RAD54L2: variants seen among roughly 807,000 people sequenced by gnomAD.
RAD54L2 encodes helicase ARIP4.
A neutral mutation model predicts 138.4 loss-of-function variants in RAD54L2; 27 were observed. That is an observed-to-expected ratio of 0.20 (90% CI 0.14 to 0.27). The LOEUF is 0.27. Ranked by LOEUF, RAD54L2 falls within the 10% of genes least tolerant of loss-of-function variation. RAD54L2 has a pLI of 1.00. For synonymous variants in RAD54L2, 644 were observed against 723.2 expected, an observed-to-expected ratio of 0.89 and a Z score of 1.76; for missense variants, 1,396 against 1,890.2, an observed-to-expected ratio of 0.74 and a Z score of 4.85.
chr3:51,601,275 G>A (rs1367746171), intron 3 of RAD54L2, among the ~76,000 whole-genome samples: 2 of 150,152 alleles, frequency 1.3e-5, no homozygotes, highest in African/African-American at 2.4e-5. Context: ...GCCTCCCAAA[G>A]TGCTGAGATT....
chr3:51,554,730 A>G (rs1698923154), intron 2 of RAD54L2, among the ~76,000 whole-genome samples: 1 of 152,192 alleles, frequency 6.6e-6, no homozygotes, highest in African/African-American at 2.4e-5. Context: ...AGAGTCTAGT[A>G]CCTTTTAAAG....
intron 2 of RAD54L2, among the ~76,000 whole-genome samples, chr3:51,565,323 G>A (rs572334047): frequency 1.3e-5 from 2 of 152,190 alleles, no homozygotes; most frequent in South Asian, 4.1e-4. Context: ...TTGAGCCTGG[G>A]AGGTAGAGGC....
intron 3 of RAD54L2, among the ~76,000 whole-genome samples, chr3:51,603,439 C>G (rs1247572731): frequency 6.6e-6 from 1 of 152,118 alleles, no homozygotes; most frequent in East Asian, 1.9e-4. Context: ...AACCCCGCCT[C>G]TACTAAAAAA....
chr3:51,629,183 G>A, intron 4 of RAD54L2, 151 bp from the exon 5 acceptor site: 1 of 788,922 alleles, frequency 1.3e-6, no homozygotes, highest in Non-Finnish European at 2.0e-6. Flanking sequence ...TTTGAATGCT[G>A]CTCCTTGCAT....
chr3:51,595,318 T>C (rs1699937667), intron 3 of RAD54L2, among the ~76,000 whole-genome samples: 1 of 152,190 alleles, frequency 6.6e-6, no homozygotes, highest in Non-Finnish European at 1.5e-5. Flanking sequence ...TAGAACTGTT[T>C]GTGTCAGTCG....
At chr3:51,622,444 G>A (rs1009931049) in intron 3 of RAD54L2, among the ~76,000 whole-genome samples, 3 of 152,110 alleles carry the variant, frequency 2.0e-5, no homozygotes, top group Non-Finnish European at 4.4e-5. Context: ...TAATGGTATT[G>A]CAGTGTCCCA....
chr3:51,592,813 G>A (rs985619018), intron 3 of RAD54L2, among the ~76,000 whole-genome samples: 1 of 152,120 alleles, frequency 6.6e-6, no homozygotes, highest in Admixed American at 6.6e-5. Flanking sequence ...GACCTCAGGT[G>A]ATTCACCTGC....
Position 51,663,332 on chromosome 3 carries a change from T to G in RAD54L2, c.4316T>G (p.Phe1439Cys). The G allele has an allele frequency of 6.2e-7, 1 of 1,613,770 alleles. No individual in the cohort carries two copies. The highest frequency in any genetic ancestry group is 1.3e-5 in the African/African-American group (1 of 74,950). The change falls in exon 23 of 23, where the codon TTT becomes TGT. Residue 1439 changes from phenylalanine (F) to cysteine (C), a missense_variant. Around this residue, in one of 7 missense-constraint regions of RAD54L2, gnomAD observed 634 missense variants for 711.2 expected, o/e 0.89. Coordinates refer to ENST00000684192, the MANE Select transcript of RAD54L2 (RefSeq NM_015106.4). ...CTCCTACGGTCCCAGGTGCCTCCATTTGACTCTCATGAGGTTGCCGAGGTT... is the reference window on the plus strand; with the variant it reads ...CTCCTACGGTCCCAGGTGCCTCCATGTGACTCTCATGAGGTTGCCGAGGTT... ...GGLLRSQVPP[F>C]DSHEVAEVGF...
intron 2 of RAD54L2, among the ~76,000 whole-genome samples, chr3:51,585,762 T>C (rs538080101): frequency 2.0e-5 from 3 of 152,234 alleles, no homozygotes; most frequent in Non-Finnish European, 4.4e-5. Context: ...AGGGGTTGAA[T>C]ATTTGCTTTT....
intron 21 of RAD54L2, among the ~76,000 whole-genome samples, chr3:51,658,561 C>T (rs916969989): frequency 6.6e-6 from 1 of 152,116 alleles, no homozygotes; most frequent in Non-Finnish European, 1.5e-5. Flanking sequence ...TTTTCTGCAC[C>T]CACGTCTTCT....
At chr3:51,633,868 T>C in intron 8 of RAD54L2, 34 bp from the exon 9 acceptor site, 9 of 1,608,434 alleles carry the variant, frequency 5.6e-6, no homozygotes, top group Non-Finnish European at 7.6e-6. Flanking sequence ...GTTTGTTCCA[T>C]AAAACTCTCT....
chr3:51,613,637 T>C (rs13324384), intron 3 of RAD54L2, among the ~76,000 whole-genome samples: 17,045 of 151,854 alleles, frequency 0.11, 1,909 homozygotes, highest in East Asian at 0.33. Context: ...CATGGTGGCG[T>C]GCACCTGTAA....
chr3:51,563,822 G>C (rs1490211344), intron 2 of RAD54L2, among the ~76,000 whole-genome samples: 4 of 152,192 alleles, frequency 2.6e-5, no homozygotes. Context: ...GGGAGGATTA[G>C]TTATTAGGTG....
At chr3:51,541,405 T>C (rs1433317373) in intron 1 of RAD54L2, 184 bp from the exon 2 acceptor site, 1 of 152,200 alleles carries the variant, frequency 6.6e-6, no homozygotes, top group Non-Finnish European at 1.5e-5. Flanking sequence ...ACCTGTTAAT[T>C]TTAAGTACTC....
chr3:51,599,843 C>T (rs1700043808), intron 3 of RAD54L2, among the ~76,000 whole-genome samples: 1 of 152,128 alleles, frequency 6.6e-6, no homozygotes, highest in South Asian at 2.1e-4. Context: ...GTCTCAAACT[C>T]CTGGCCTGAA....
intron 3 of RAD54L2, among the ~76,000 whole-genome samples, chr3:51,606,398 A>T (rs931147558): frequency 6.6e-6 from 1 of 152,024 alleles, no homozygotes. Flanking sequence ...TCTTAGGTAT[A>T]CTCTTTAGGT....
intron 19 of RAD54L2, 54 bp downstream of exon 19, chr3:51,646,535 A>G (rs1240550246): frequency 1.4e-6 from 2 of 1,446,050 alleles, no homozygotes; most frequent in Non-Finnish European, 1.9e-6. Flanking sequence ...AACACCTTTC[A>G]ACTTGTTCAT....
chr3:51,564,697 G>A (rs1699173936), intron 2 of RAD54L2, among the ~76,000 whole-genome samples: 1 of 152,172 alleles, frequency 6.6e-6, no homozygotes, highest in Non-Finnish European at 1.5e-5. Flanking sequence ...TGGGTGGATG[G>A]CTTGAGCCCA....
intron 22 of RAD54L2, among the ~76,000 whole-genome samples, 160 bp downstream of exon 22, chr3:51,660,278 T>G (rs943488335): frequency 3.5e-5 from 5 of 141,544 alleles, no homozygotes; most frequent in Non-Finnish European, 6.1e-5. Flanking sequence ...TTTTGTGTGG[T>G]TTTTTTTTTT....
Sources: allele counts gnomAD v4.1 joint callset (sites outside exome capture counted in the v4.1 genomes callset), GRCh38; gene constraint gnomAD v4.1.1; regional missense constraint gnomAD v4.1.1; transcripts MANE v1.5; gene names NCBI Gene and HGNC (gene_info 2026-07-23, HGNC 2026-07-21).